The following ALDH6A1 variants were observed in gnomAD, a reference collection of about 807,000 sequenced individuals.
ALDH6A1 encodes the protein aldehyde dehydrogenase 6 family member A1.
In ALDH6A1, 43 loss-of-function variants were observed where a neutral mutation model predicts 62.6. That is an observed-to-expected ratio of 0.69 (90% confidence interval 0.54 to 0.89). The LOEUF (loss-of-function observed/expected upper bound fraction) is 0.89, where lower values mean the gene tolerates loss of function less well. Ranked by LOEUF, ALDH6A1 falls within the 40% of genes least tolerant of loss-of-function variation. The probability of loss-of-function intolerance (pLI) is 0.00; values close to 1 mark genes in which losing one functional copy is unlikely to be tolerated. For synonymous variants in ALDH6A1, 194 were observed against 234.2 expected (o/e 0.83, Z 1.57); for missense variants, 551 against 661.3 (o/e 0.83, Z 1.83).
chr14:74,057,241 C>G lies in ALDH6A1; in HGVS notation c.*3401G>C. 1 of 1,614,084 alleles carries G rather than the reference C, an allele frequency of 6.2e-7. No homozygotes were observed. Among genetic ancestry groups the G allele is most frequent in the South Asian group, 1.1e-5 (1 of 91,068 alleles). ...GGTGCTACCCACTATTCCAAAAGAA[C>G]CTCAGGAGTCTGACACAGTAAGGAG... is the stretch of plus-strand genomic sequence containing the variant. On this transcript the variant is annotated 3_prime_UTR_variant, in exon 12 of 12. Coordinates refer to ENST00000553458, the MANE Select transcript of ALDH6A1 (RefSeq NM_005589.4).
intron 6 of ALDH6A1, 70 bp from the exon 7 acceptor site, chr14:74,069,051 T>A: frequency 4.1e-6 from 6 of 1,479,404 alleles, no homozygotes; most frequent in Non-Finnish European, 5.6e-6. Context: ...ATTTCCCCTT[T>A]CCCCACTGCT....
At chr14:74,079,421 T>C (rs1220765083) in intron 1 of ALDH6A1, among the ~76,000 whole-genome samples, 1 of 148,668 alleles carries the variant, frequency 6.7e-6, no homozygotes, top group Non-Finnish European at 1.5e-5. Flanking sequence ...TAATTTTTTT[T>C]TCTTATTGTT....
intron 11 of ALDH6A1, among the ~76,000 whole-genome samples, chr14:74,062,606 C>A (rs2060372842): frequency 6.6e-6 from 1 of 151,862 alleles, no homozygotes; most frequent in Admixed American, 6.6e-5. Flanking sequence ...ATCAAAAAAA[C>A]CCCAAAACAA....
At chr14:74,076,877 A>C (rs1293609985) in intron 1 of ALDH6A1, among the ~76,000 whole-genome samples, 2 of 152,174 alleles carry the variant, frequency 1.3e-5, no homozygotes, top group African/African-American at 4.8e-5. Context: ...AGTTGATTTA[A>C]GAAATACTTA....
chr14:74,080,041 A>C (rs1371196741), intron 1 of ALDH6A1, among the ~76,000 whole-genome samples: 1 of 151,444 alleles, frequency 6.6e-6, no homozygotes, highest in Non-Finnish European at 1.5e-5. Context: ...CTATCTTAAA[A>C]AAACAAAAAC....
intron 1 of ALDH6A1, among the ~76,000 whole-genome samples, chr14:74,080,162 G>A (rs2060656664): frequency 6.6e-6 from 1 of 152,132 alleles, no homozygotes; most frequent in Non-Finnish European, 1.5e-5. Context: ...GTTGCCAAAG[G>A]AGAAACCCAG....
rs1055814217 is a variant in ALDH6A1 at position 74,073,100 on chromosome 14, C to CTTATTTT, written c.112-496_112-490dup. On this transcript the variant is annotated intron_variant, in intron 2 of 11. Transcript: ENST00000553458. ...CAGGCGTGAGCCTCTGCACCTGGCC[C>CTTATTTT]TTATTTTTTATTTTTTATTTTTTTG... Among the ~76,000 whole-genome samples, 72 of 151,456 alleles carry CTTATTTT rather than the reference C, an allele frequency of 4.8e-4. 1 individual carries two copies. The highest frequency in any genetic ancestry group is 1.7e-3 in the African/African-American group (70 of 41,304).
At chr14:74,069,101 C>CTTTTTTTTTTTTTTTTTTTTTTTTTTTT (rs900873855) in intron 6 of ALDH6A1, 120 bp from the exon 7 acceptor site, 1 of 383,114 alleles carries the variant, frequency 2.6e-6, no homozygotes, top group Non-Finnish European at 3.9e-6. Flanking sequence ...TTTACTTTTT[C>CTTTTTTTTTTTTTTTTTTTTTTTTTTTT]TTTTTTTTTT....
At chr14:74,067,035 G>A (rs539979222) in intron 8 of ALDH6A1, 149 bp from the exon 9 acceptor site, 52 of 789,502 alleles carry the variant, frequency 6.6e-5, no homozygotes, top group African/African-American at 3.5e-5. Context: ...GGGCAACAAA[G>A]TGAGACTTCA....
Position 74,064,315 on chromosome 14 carries a change from T to TA in ALDH6A1, c.1503+506dup, listed in dbSNP as rs1566827509. Among the ~76,000 whole-genome samples the TA allele has an allele frequency of 8.3e-5, 12 of 144,388 alleles. No individual in the cohort carries two copies. In the East Asian group the frequency reaches 1.7e-3, roughly 20 times the overall value. The allele number at this position is 144,388 out of a possible 152,430, so 94.7% of individuals were successfully genotyped here. ...TGTGTCTCAAAAAAAAAAAAAATAA[T>TA]AATAATAATAGTAATAATAATGTCT... is the stretch of plus-strand genomic sequence containing the variant. On this transcript the variant is annotated intron_variant, in intron 11 of 11. Transcript: ENST00000553458.
chr14:74,084,005 G>C (rs1187143643), intron 1 of ALDH6A1, among the ~76,000 whole-genome samples: 1 of 152,204 alleles, frequency 6.6e-6, no homozygotes, highest in African/African-American at 2.4e-5. Flanking sequence ...GGCTGGTGCA[G>C]AGGTAAAAAG....
chr14:74,066,235 A>G, intron 9 of ALDH6A1: 1 of 205,062 alleles, frequency 4.9e-6, no homozygotes, highest in Non-Finnish European at 1.0e-5. Context: ...TTGGCAAACT[A>G]TAGCCTGTGG....
rs766505525 is a variant in ALDH6A1 at position 74,067,485 on chromosome 14, CA to C, written c.936del (p.Ala313LeufsTer31). On this transcript the variant is annotated frameshift_variant, in exon 8 of 12. Transcript: ENST00000553458. LOFTEE classifies it high-confidence loss of function. ...LNQLVGAAFGAAGQRCMALST... is the reference protein window; with the variant it reads ...LNQLVGAAFGXAGQRCMALST... ...GAAAGAGCCATGCAGCGCTGACCAG[CA>C]GCTCCAAATGCTGCCCCAACCAGCT... 1.9e-6 allele frequency: 3 copies of C among 1,614,236 alleles called. No individual in the cohort carries two copies. The Admixed American group carries it at 5.0e-5, about 27-fold the overall frequency.
rs760832032 is a variant in ALDH6A1, at chr14:74,057,003, A to G, written c.*3639T>C. 14 of 1,599,512 alleles carry G rather than the reference A, an allele frequency of 8.8e-6. No individual in the cohort carries two copies. Among genetic ancestry groups the G allele is most frequent in the Non-Finnish European group, 1.2e-5 (14 of 1,168,662 alleles). ...TGGGTAAGAGCTCTCTTGCTTAAGT[A>G]ATAAACATGAGCCCAACACGATGGT... is the stretch of plus-strand genomic sequence containing the variant. On this transcript the variant is annotated 3_prime_UTR_variant, in exon 12 of 12. Transcript: ENST00000553458.
At chr14:74,074,634 A>G (rs1184699316) in intron 2 of ALDH6A1, among the ~76,000 whole-genome samples, 2 of 152,140 alleles carry the variant, frequency 1.3e-5, no homozygotes, top group Non-Finnish European at 2.9e-5. Flanking sequence ...TTCTGTGTAG[A>G]AAGAATTTGA....
chr14:74,065,012 AC>A, intron 10 of ALDH6A1, 92 bp from the exon 11 acceptor site: 1 of 1,380,720 alleles, frequency 7.2e-7, no homozygotes, highest in Non-Finnish European at 1.0e-6. Flanking sequence ...TTAAATACCC[AC>A]CTTCTACCCT....
In ALDH6A1 at chr14:74,067,530, T is replaced by C; in HGVS notation, c.892A>G (p.Lys298Glu). The C allele has an allele frequency of 6.2e-7, 1 of 1,614,146 alleles. No homozygotes were observed. Among genetic ancestry groups the C allele is most frequent in the Non-Finnish European group, 8.5e-7 (1 of 1,180,028 alleles). ...ACCAGCTGGTTCAGGGTATTTTCCTTATTGGCATCTGGCATGACTACCCCA... is the reference window on the plus strand; with the variant it reads ...ACCAGCTGGTTCAGGGTATTTTCCTCATTGGCATCTGGCATGACTACCCCA... ...NHGVVMPDAN[K>E]ENTLNQLVGA... is the part of the protein sequence containing the mutation. The change falls in exon 8 of 12, where the codon AAG (lysine) becomes GAG (glutamate). Residue 298 changes from lysine (K) to glutamate (E), a missense_variant. Transcript: ENST00000553458.
At chr14:74,083,514 C>T (rs946791578) in intron 1 of ALDH6A1, among the ~76,000 whole-genome samples, 2 of 152,090 alleles carry the variant, frequency 1.3e-5, no homozygotes, top group Non-Finnish European at 2.9e-5. Flanking sequence ...ACTAGAAGAG[C>T]TGATTTTGGG....
rs2060550439 is a variant in ALDH6A1 at position 74,071,671 on chromosome 14, A to G, written c.428-174T>C. On this transcript the variant is annotated intron_variant, in intron 5 of 11. Transcript: ENST00000553458. ...GCAAAATGAGATTCTCTGAATGGGA[A>G]AAATACAGCGATATGTATATACCCA... is the stretch of plus-strand genomic sequence containing the variant. 3 of 1,520,190 alleles carry G rather than the reference A, an allele frequency of 2.0e-6. No individual in the cohort carries two copies. In the South Asian group the frequency reaches 3.7e-5, roughly 19 times the overall value. The allele number at this position is 1,520,190 out of a possible 1,614,324, so 94.2% of individuals were successfully genotyped here. A position where few individuals can be genotyped will look rare whatever the true frequency, so the allele number is the denominator to read the frequency against.
Sources: gnomAD v4.1 joint callset for allele counts (sites outside exome capture counted in the v4.1 genomes callset) on GRCh38, gnomAD v4.1.1 for gene constraint, MANE v1.5 for transcripts, NCBI Gene and HGNC (gene_info 2026-07-23, HGNC 2026-07-21) for gene names.